The following TLN2 variants were observed in gnomAD, a reference collection of about 807,000 sequenced individuals.
TLN2 encodes talin-2.
TLN2 carries 118 observed loss-of-function variants against 294.7 expected under a neutral mutation model. The ratio of observed to expected loss-of-function variants is 0.40; its 90% CI spans 0.34 to 0.47. The LOEUF (loss-of-function observed/expected upper bound fraction) is 0.47, where lower values mean the gene tolerates loss of function less well. Among genes scored for constraint, TLN2 ranks in the 20% least tolerant of loss-of-function variants. The pLI is 0.84. For missense variants in TLN2, 3,083 were observed against 3,282.2 expected, an observed-to-expected ratio of 0.94 and a Z score of 1.48; for synonymous variants, 1,431 against 1,304.5, an observed-to-expected ratio of 1.10 and a Z score of -2.09.
intron 54 of TLN2, among the ~76,000 whole-genome samples, chr15:62,825,866 AT>A (rs1397679180): frequency 1.8e-4 from 18 of 98,272 alleles, no homozygotes; most frequent in African/African-American, 7.7e-4. Flanking sequence ...ATATATATAT[AT>A]TTATATATAT....
At chr15:62,773,917 A>C (rs1249730873) in intron 42 of TLN2, among the ~76,000 whole-genome samples, 1 of 152,128 alleles carries the variant, frequency 6.6e-6, no homozygotes, top group Non-Finnish European at 1.5e-5. Flanking sequence ...TTAATGAATT[A>C]CCTGCTTACC....
intron 1 of TLN2, among the ~76,000 whole-genome samples, chr15:62,554,827 A>T (rs1330573070): frequency 2.0e-5 from 3 of 152,022 alleles, no homozygotes; most frequent in Admixed American, 6.6e-5. Context: ...ATAACTTTGC[A>T]CCTCTGTCCC....
chr15:62,840,652 C>A lies in TLN2; in HGVS notation c.*42C>A. The A allele has an allele frequency of 1.2e-6, 2 of 1,600,058 alleles. No individual in the cohort carries two copies. Among genetic ancestry groups the A allele is most frequent in the Non-Finnish European group, 1.7e-6 (2 of 1,173,402 alleles). The stretch of plus-strand genomic sequence containing the variant: ...GGCGAGCCCCAGGGGATGGCCCTGG[C>A]TGAACTGGACAGACAGTGTTCCTGA... On this transcript the variant is annotated 3_prime_UTR_variant, in exon 59 of 59. Transcript: ENST00000636159.
At chr15:62,826,720 A>C (rs886678490) in intron 54 of TLN2, among the ~76,000 whole-genome samples, 123 of 152,274 alleles carry the variant, frequency 8.1e-4, no homozygotes, top group African/African-American at 1.6e-3. Flanking sequence ...CAACAACAAA[A>C]AAAAAAGAGA....
At chr15:62,749,619 C>T (rs1453046308) in intron 33 of TLN2, among the ~76,000 whole-genome samples, 1 of 152,192 alleles carries the variant, frequency 6.6e-6, no homozygotes, top group African/African-American at 2.4e-5. Flanking sequence ...CCCAGCCCCC[C>T]ACCAGCCTTT....
intron 3 of TLN2, among the ~76,000 whole-genome samples, chr15:62,620,253 A>C (rs919556229): frequency 6.6e-6 from 1 of 152,132 alleles, no homozygotes; most frequent in African/African-American, 2.4e-5. Context: ...CAATGTTTAT[A>C]ATCAGTGCAG....
chr15:62,739,253 C>A, intron 30 of TLN2, 95 bp from the exon 31 acceptor site: 1 of 1,375,220 alleles, frequency 7.3e-7, no homozygotes, highest in Non-Finnish European at 9.9e-7. Context: ...TCAAATGCAT[C>A]TCTGAAGAGT....
intron 37 of TLN2, among the ~76,000 whole-genome samples, chr15:62,756,426 C>T (rs997474760): frequency 7.2e-5 from 11 of 152,118 alleles, no homozygotes; most frequent in Non-Finnish European, 1.5e-4. Flanking sequence ...AGGCAGCTGA[C>T]CTGTGAGAAA....
chr15:62,420,792 G>A (rs538320279), intron 1 of TLN2, among the ~76,000 whole-genome samples: 28 of 152,216 alleles, frequency 1.8e-4, no homozygotes, highest in Non-Finnish European at 3.2e-4. Flanking sequence ...TTTACTGTGG[G>A]TCTGAAGAAA....
intron 34 of TLN2, among the ~76,000 whole-genome samples, chr15:62,750,978 T>A (rs182620671): frequency 6.6e-6 from 1 of 152,094 alleles, no homozygotes; most frequent in Admixed American, 6.5e-5. Flanking sequence ...GTGAAATTGT[T>A]TTGTTTTGTT....
chr15:62,586,501 T>A (rs1032492693), intron 1 of TLN2, among the ~76,000 whole-genome samples: 1 of 152,236 alleles, frequency 6.6e-6, no homozygotes, highest in African/African-American at 2.4e-5. Flanking sequence ...TGAAGATACA[T>A]GTATTACATG....
chr15:62,660,990 A>T (rs2053755406), intron 9 of TLN2, among the ~76,000 whole-genome samples: 1 of 152,220 alleles, frequency 6.6e-6, no homozygotes, highest in Non-Finnish European at 1.5e-5. Flanking sequence ...GTTTCTAAAA[A>T]GGTGGGAAGA....
chr15:62,522,028 C>T (rs975064681), intron 1 of TLN2, among the ~76,000 whole-genome samples: 6 of 152,210 alleles, frequency 3.9e-5, no homozygotes, highest in Middle Eastern at 3.4e-3. Flanking sequence ...TATAAAGAGG[C>T]GTGTCCAACT....
chr15:62,640,259 T>C (rs1184073989), intron 3 of TLN2: 7 of 455,898 alleles, frequency 1.5e-5, no homozygotes, highest in Non-Finnish European at 3.1e-5. Context: ...AGCTGAATCA[T>C]TCCTGGGAGA....
chr15:62,755,440 G>A lies in TLN2; in HGVS notation c.4477-92G>A. ...TTGTAATTACACAGGCTCTGAACAT[G>A]TGAGTTGAACAGGAACCCAGGGCTG... On this transcript the variant is annotated intron_variant, in intron 36 of 58. Transcript: ENST00000636159. The A allele has an allele frequency of 3.4e-6, 5 of 1,455,382 alleles. No individual in the cohort carries two copies. In the South Asian group the frequency reaches 4.3e-5, roughly 12 times the overall value. 90.2% of individuals were successfully genotyped at this position (1,455,382 alleles called of 1,614,324 possible).
intron 52 of TLN2, among the ~76,000 whole-genome samples, chr15:62,811,628 C>T (rs576010859): frequency 2.8e-4 from 43 of 152,266 alleles, no homozygotes; most frequent in African/African-American, 1.0e-3. Flanking sequence ...GGTGCAGTTT[C>T]CTCAGACGTT....
chr15:62,428,487 G>A (rs750734549), intron 1 of TLN2, among the ~76,000 whole-genome samples: 1 of 152,186 alleles, frequency 6.6e-6, no homozygotes, highest in Non-Finnish European at 1.5e-5. Context: ...TGTAAACTTG[G>A]TTCAAGGAAG....
At chr15:62,476,314 C>T (rs1023560398) in intron 1 of TLN2, 1 of 152,308 alleles carries the variant, frequency 6.6e-6, no homozygotes, top group Non-Finnish European at 1.5e-5. Flanking sequence ...TCATTTGTGT[C>T]TTCTCTGCCA....
intron 1 of TLN2, among the ~76,000 whole-genome samples, chr15:62,512,332 G>T (rs1260881722): frequency 6.6e-6 from 1 of 152,036 alleles, no homozygotes; most frequent in Non-Finnish European, 1.5e-5. Context: ...GGACCTCTCG[G>T]TTCAGAAATC....
Sources: gnomAD v4.1 joint callset for allele counts (sites outside exome capture counted in the v4.1 genomes callset) on GRCh38, gnomAD v4.1.1 for gene constraint, MANE v1.5 for transcripts, NCBI Gene and HGNC (gene_info 2026-07-23, HGNC 2026-07-21) for gene names.